The following UNC13C variants were observed in gnomAD, a reference collection of about 807,000 sequenced individuals.
UNC13C encodes the protein unc-13 homolog C, also known as protein unc-13 homolog C.
In UNC13C, 174 loss-of-function variants were observed where a neutral mutation model predicts 245.4. The ratio of observed to expected loss-of-function variants is 0.71; its 90% CI spans 0.63 to 0.80. The LOEUF (loss-of-function observed/expected upper bound fraction) is 0.80. Among genes scored for constraint, UNC13C ranks in the 30% least tolerant of loss-of-function variants. UNC13C has a pLI of 0.00. For synonymous variants in UNC13C, 992 were observed against 895.1 expected, an observed-to-expected ratio of 1.11 and a Z score of -1.93; for missense variants, 2,829 against 2,602.9, an observed-to-expected ratio of 1.09 and a Z score of -1.89.
intron 4 of UNC13C, among the ~76,000 whole-genome samples, chr15:54,179,599 C>T (rs948332305): frequency 6.6e-6 from 1 of 151,698 alleles, no homozygotes; most frequent in Admixed American, 6.6e-5. Flanking sequence ...AGAAAGAATA[C>T]TAATTAAAGA....
rs147209685 is a variant in UNC13C, at chr15:54,172,737, T to G, written c.3071+29053T>G. 2.9e-5 allele frequency among the ~76,000 whole-genome samples: 3 copies of G among 103,676 alleles called. 1 individual carries two copies. Among genetic ancestry groups the G allele is most frequent in the African/African-American group, 1.3e-4 (3 of 23,384 alleles). The allele number at this position is 103,676 out of a possible 152,430, so 68.0% of individuals were successfully genotyped here. A position where few individuals can be genotyped will look rare whatever the true frequency, so the allele number is the denominator to read the frequency against. The stretch of plus-strand genomic sequence containing the variant: ...ATATATATATATATATATATATATA[T>G]ATATATATATATATATATATATATC... On this transcript the variant is annotated intron_variant, in intron 4 of 32. Coordinates refer to ENST00000260323, the MANE Select transcript of UNC13C (RefSeq NM_001080534.3).
the UNC13C span, among the ~76,000 whole-genome samples, chr15:53,959,917 A>C: frequency 6.6e-6 from 1 of 152,178 alleles, no homozygotes; most frequent in African/African-American, 2.4e-5. Flanking sequence ...GCATTTTAGA[A>C]AAAGAATTAT....
At chr15:53,922,982 C>G in the UNC13C span, among the ~76,000 whole-genome samples, 11 of 152,184 alleles carry the variant, frequency 7.2e-5, no homozygotes, top group Non-Finnish European at 1.6e-4. Flanking sequence ...CTAAGCCACT[C>G]TATACATTGT....
At chr15:54,282,461 C>T (rs1299434484) in intron 10 of UNC13C, among the ~76,000 whole-genome samples, 1 of 152,098 alleles carries the variant, frequency 6.6e-6, no homozygotes, top group Non-Finnish European at 1.5e-5. Flanking sequence ...GGAGTAAGCC[C>T]CATGTGGGAC....
chr15:54,199,863 A>G (rs1400947726), intron 4 of UNC13C, among the ~76,000 whole-genome samples: 1 of 152,146 alleles, frequency 6.6e-6, no homozygotes, highest in African/African-American at 2.4e-5. Flanking sequence ...ATTGAATGTA[A>G]ATGGCCTAAA....
At chr15:53,970,746 G>A in the UNC13C span, among the ~76,000 whole-genome samples, 1 of 152,098 alleles carries the variant, frequency 6.6e-6, no homozygotes, top group Non-Finnish European at 1.5e-5. Context: ...ATACTTACGT[G>A]TTGCGTTGAT....
At chr15:53,957,249 C>G in the UNC13C span, among the ~76,000 whole-genome samples, 6 of 152,136 alleles carry the variant, frequency 3.9e-5, no homozygotes, top group Admixed American at 3.3e-4. Flanking sequence ...TCAAGTGATT[C>G]TTGTGCCTCA....
chr15:54,371,940 G>A (rs75250390), intron 17 of UNC13C, among the ~76,000 whole-genome samples: 7,303 of 152,202 alleles, frequency 0.048, 255 homozygotes, highest in Admixed American at 0.11. Context: ...CAGAGGCTGA[G>A]GGAGGGGAGA....
the UNC13C span, among the ~76,000 whole-genome samples, chr15:53,907,097 T>A: frequency 6.6e-6 from 1 of 152,138 alleles, no homozygotes; most frequent in South Asian, 2.1e-4. Context: ...TTTTTGTTTG[T>A]TTGGTTGATT....
intron 2 of UNC13C, among the ~76,000 whole-genome samples, chr15:54,089,952 A>G (rs1899472673): frequency 6.6e-6 from 1 of 152,168 alleles, no homozygotes; most frequent in South Asian, 2.1e-4. Context: ...GGACTGTATG[A>G]GAGAGAATGC....
At chr15:54,272,926 T>G (rs1242300754) in intron 10 of UNC13C, among the ~76,000 whole-genome samples, 1 of 152,164 alleles carries the variant, frequency 6.6e-6, no homozygotes, top group Non-Finnish European at 1.5e-5. Context: ...TCAAGATGCA[T>G]GTTTAGAGCT....
rs990037476 is a variant in UNC13C, at chr15:54,206,767, A to G, written c.3072-28263A>G. Among the ~76,000 whole-genome samples the G allele has an allele frequency of 3.9e-5, 6 of 152,258 alleles. No individual in the cohort carries two copies. In the East Asian group the frequency reaches 9.7e-4, roughly 25 times the overall value. ...TAATAGATATACTAAGAGTGAATGT[A>G]AAGAGTCAACTCAGTGTGGTCAAGC... On this transcript the variant is annotated intron_variant, in intron 4 of 32. Transcript: ENST00000260323.
intron 4 of UNC13C, among the ~76,000 whole-genome samples, chr15:54,164,357 A>G (rs2033089881): frequency 6.6e-6 from 1 of 152,224 alleles, no homozygotes; most frequent in Non-Finnish European, 1.5e-5. Flanking sequence ...AAATGTAATA[A>G]ATTGTATATA....
intron 30 of UNC13C, among the ~76,000 whole-genome samples, chr15:54,592,931 T>C (rs912028376): frequency 6.6e-6 from 1 of 151,874 alleles, no homozygotes; most frequent in African/African-American, 2.4e-5. Context: ...TAAAGAGATT[T>C]GGTTTTGATG....
At chr15:53,981,983 A>G (rs1893946003) in intron 1 of UNC13C, among the ~76,000 whole-genome samples, 1 of 152,166 alleles carries the variant, frequency 6.6e-6, no homozygotes, top group Non-Finnish European at 1.5e-5. Context: ...AGAGTTTTAT[A>G]TTATTCTTCC....
chr15:54,017,484 A>ATGTGTGTG (rs3985786), intron 2 of UNC13C, among the ~76,000 whole-genome samples: 83 of 147,590 alleles, frequency 5.6e-4, no homozygotes, highest in African/African-American at 1.7e-3. Flanking sequence ...GTGCATGAGC[A>ATGTGTGTG]TGTGTGTGTG....
chr15:53,859,439 G>C, the UNC13C span, among the ~76,000 whole-genome samples: 2 of 152,082 alleles, frequency 1.3e-5, no homozygotes, highest in Non-Finnish European at 2.9e-5. Flanking sequence ...GCCCAGGTTT[G>C]TCGATATTTC....
intron 4 of UNC13C, among the ~76,000 whole-genome samples, chr15:54,202,758 C>A (rs954679864): frequency 6.6e-6 from 1 of 151,894 alleles, no homozygotes. Context: ...TTAGCCTAGG[C>A]AAAGATTTCA....
the UNC13C span, among the ~76,000 whole-genome samples, chr15:53,864,777 T>C: frequency 0.28 from 42,402 of 152,202 alleles, 7,142 homozygotes; most frequent in Non-Finnish European, 0.36. Flanking sequence ...CTGGATAAAA[T>C]GGCATTGGAG....
Sources: gnomAD v4.1 joint callset for allele counts (sites outside exome capture counted in the v4.1 genomes callset) on GRCh38, gnomAD v4.1.1 for gene constraint, MANE v1.5 for transcripts, NCBI Gene and HGNC (gene_info 2026-07-23, HGNC 2026-07-21) for gene names.